Variants in XIRP2 observed in about 807,000 individuals in gnomAD.
The protein encoded by XIRP2 is xin actin binding repeat containing 2.
A neutral mutation model predicts 277.0 loss-of-function variants in XIRP2; 236 were observed. The observed-to-expected ratio is 0.85, with a 90% CI of 0.77 to 0.95. XIRP2 has a LOEUF of 0.95. Ranked by LOEUF, XIRP2 falls within the 40% of genes least tolerant of loss-of-function variation. The pLI, the probability that XIRP2 is intolerant of heterozygous loss-of-function variation, is 0.00. For missense variants in XIRP2, 4,640 were observed against 4,157.5 expected, an observed-to-expected ratio of 1.12 and a Z score of -3.19; for synonymous variants, 1,490 against 1,416.5, an observed-to-expected ratio of 1.05 and a Z score of -1.17.
chr2:166,986,754 T>C (rs1329799811), intron 2 of XIRP2, among the ~76,000 whole-genome samples: 2 of 152,198 alleles, frequency 1.3e-5, no homozygotes, highest in Admixed American at 6.5e-5. Context: ...AATTTAACTT[T>C]TTCGTGCTGT....
At chr2:166,936,967 A>C (rs575690160) in intron 2 of XIRP2, among the ~76,000 whole-genome samples, 5 of 152,292 alleles carry the variant, frequency 3.3e-5, no homozygotes, top group African/African-American at 9.6e-5. Context: ...TTGGTAGCTT[A>C]ATGAGGATGG....
chr2:167,043,815 G>A (rs1688723181), intron 2 of XIRP2, among the ~76,000 whole-genome samples: 1 of 151,570 alleles, frequency 6.6e-6, no homozygotes, highest in South Asian at 2.1e-4. Context: ...ATCAAGGAAG[G>A]GTTCCTTTAT....
At chr2:166,890,491 G>A (rs1684074734) in intron 1 of XIRP2, among the ~76,000 whole-genome samples, 1 of 152,142 alleles carries the variant, frequency 6.6e-6, no homozygotes, top group South Asian at 2.1e-4. Context: ...GAGAACCAGA[G>A]CATCTGAACA....
In XIRP2 at chr2:167,219,278, A is replaced by G. The variant is rs559393674; in HGVS notation, c.858+978A>G. Among the ~76,000 whole-genome samples the G allele has an allele frequency of 5.3e-5, 8 of 152,342 alleles. No homozygotes were observed. The East Asian group carries it at 1.3e-3, about 26-fold the overall frequency. On this transcript the variant is annotated intron_variant, in intron 5 of 10. Coordinates refer to ENST00000409195, the MANE Select transcript of XIRP2 (RefSeq NM_152381.6). Reference sequence around the variant, plus strand: ...GCAAGATTTCTTTTTAATATTACCTAAAGGAAACTTAATATAAATAAGAAA... The same window carrying G: ...GCAAGATTTCTTTTTAATATTACCTGAAGGAAACTTAATATAAATAAGAAA...
intron 6 of XIRP2, among the ~76,000 whole-genome samples, chr2:167,240,175 A>T (rs1350712996): frequency 4.6e-5 from 7 of 152,012 alleles, no homozygotes; most frequent in Non-Finnish European, 7.4e-5. Context: ...ACACTTTGGG[A>T]GGCCGAGGCA....
chr2:167,101,311 A>G (rs149390289), intron 2 of XIRP2, among the ~76,000 whole-genome samples: 1 of 152,180 alleles, frequency 6.6e-6, no homozygotes. Context: ...GAGTTTGAAT[A>G]TGTACATATA....
chr2:167,181,182 A>T (rs1169280330), intron 3 of XIRP2, among the ~76,000 whole-genome samples: 1 of 152,186 alleles, frequency 6.6e-6, no homozygotes, highest in Non-Finnish European at 1.5e-5. Context: ...GGTGTAGCAG[A>T]GGCAGGGCTG....
chr2:167,150,176 T>C (rs150866395), intron 3 of XIRP2, among the ~76,000 whole-genome samples: 147 of 152,070 alleles, frequency 9.7e-4, no homozygotes, highest in African/African-American at 3.4e-3. Context: ...GCACTACTAA[T>C]AATTGAGGAA....
At chr2:167,182,625 TG>T (rs1336883836) in intron 3 of XIRP2, among the ~76,000 whole-genome samples, 4 of 152,324 alleles carry the variant, frequency 2.6e-5, no homozygotes, top group African/African-American at 9.6e-5. Context: ...TTCCCACTTT[TG>T]CTGATTATTA....
chr2:167,014,635 T>A (rs2105475751), intron 2 of XIRP2, among the ~76,000 whole-genome samples: 1 of 151,680 alleles, frequency 6.6e-6, no homozygotes. Flanking sequence ...AAAAAGGAAA[T>A]ACATTATAAA....
At chr2:167,065,546 T>C (rs755991586) in intron 2 of XIRP2, among the ~76,000 whole-genome samples, 1 of 151,900 alleles carries the variant, frequency 6.6e-6, no homozygotes, top group Non-Finnish European at 1.5e-5. Flanking sequence ...ATTTTCGTTG[T>C]TGCTGTTATT....
rs779191792 is a variant in XIRP2 at position 167,244,153 on chromosome 2, C to G, written c.2761C>G (p.Leu921Val). 7.4e-6 allele frequency: 12 copies of G among 1,613,728 alleles called. No individual in the cohort carries two copies. The highest frequency in any genetic ancestry group is 1.7e-5 in the Admixed American group (1 of 59,982). The change falls in exon 9 of 11, where the codon CTG becomes GTG. Residue 921 changes from leucine to valine, a missense_variant. By Grantham distance (32) the Leu-to-Val change is conservative. Transcript: ENST00000409195. ...HQKWIFETQP[L>V]EDIRKDKKEY... is the part of the protein sequence containing the mutation. ...AAAATGGATTTTTGAAACCCAACCT[C>G]TGGAAGACATTAGAAAAGATAAAAA... is the stretch of plus-strand genomic sequence containing the variant.
chr2:166,915,595 C>T (rs1051071156), intron 2 of XIRP2, among the ~76,000 whole-genome samples: 1 of 152,138 alleles, frequency 6.6e-6, no homozygotes, highest in Non-Finnish European at 1.5e-5. Flanking sequence ...ACTAAAAAGC[C>T]TCCCTAAAGA....
In XIRP2 at chr2:166,919,926, A is replaced by G. The variant is rs112830098; in HGVS notation, c.408+16036A>G. Among the ~76,000 whole-genome samples the G allele has an allele frequency of 3.4e-3, 512 of 152,294 alleles. 6 individuals are homozygous for G. The highest frequency in any genetic ancestry group is 0.011 in the African/African-American group (466 of 41,564). On this transcript the variant is annotated intron_variant, in intron 2 of 10. Transcript: ENST00000409195. ...TGCAGGTCATATGCACCAATGTCTC[A>G]AAAAATACTTATTTATCCAGCACCA... is the stretch of plus-strand genomic sequence containing the variant.
intron 2 of XIRP2, among the ~76,000 whole-genome samples, chr2:167,011,221 C>A (rs1017151830): frequency 4.6e-5 from 7 of 151,396 alleles, no homozygotes; most frequent in African/African-American, 1.7e-4. Flanking sequence ...TCATAGATAG[C>A]TCTTATTATT....
chr2:167,257,894 T>C lies in XIRP2; in HGVS notation c.*77T>C. ...TGCATCACTTCATGGACAAATATAC[T>C]GTAAACCTCACTTTAAACAACTTTT... On this transcript the variant is annotated 3_prime_UTR_variant, in exon 11 of 11. Transcript: ENST00000409195. 6.2e-7 allele frequency: 1 copy of C among 1,610,102 alleles called. No homozygotes were observed. The highest frequency in any genetic ancestry group is 8.5e-7 in the Non-Finnish European group (1 of 1,178,630).
intron 2 of XIRP2, among the ~76,000 whole-genome samples, chr2:167,095,226 G>C (rs1690266691): frequency 6.6e-6 from 1 of 152,044 alleles, no homozygotes; most frequent in African/African-American, 2.4e-5. Flanking sequence ...GAGATGATGG[G>C]GTTTTCTAAA....
At chr2:167,160,672 G>T (rs1031527912) in intron 3 of XIRP2, among the ~76,000 whole-genome samples, 1 of 152,036 alleles carries the variant, frequency 6.6e-6, no homozygotes, top group African/African-American at 2.4e-5. Context: ...CCTCCCACTG[G>T]GTCCCTTCCA....
At chr2:167,017,065 T>C (rs751861851) in intron 2 of XIRP2, among the ~76,000 whole-genome samples, 2 of 151,888 alleles carry the variant, frequency 1.3e-5, no homozygotes, top group Non-Finnish European at 2.9e-5. Flanking sequence ...ACAGCTGCCA[T>C]AGTTCACGCC....
Sources: allele counts gnomAD v4.1 joint callset (sites outside exome capture counted in the v4.1 genomes callset), GRCh38; gene constraint gnomAD v4.1.1; transcripts MANE v1.5; gene names NCBI Gene and HGNC (gene_info 2026-07-23, HGNC 2026-07-21).